Variants in ATP10B observed in about 807,000 individuals in gnomAD.
ATP10B encodes the protein phospholipid-transporting ATPase VB.
In ATP10B, 122 loss-of-function variants were observed where a neutral mutation model predicts 141.2. The ratio of observed to expected loss-of-function variants is 0.86; its 90% CI spans 0.75 to 1.00. ATP10B has a LOEUF of 1.00. Among genes scored for constraint, ATP10B ranks in the 50% least tolerant of loss-of-function variants. The pLI is 0.00. For missense variants in ATP10B, 1,876 were observed against 1,825.3 expected, an observed-to-expected ratio of 1.03 and a Z score of -0.51; for synonymous variants, 685 against 692.0, an observed-to-expected ratio of 0.99 and a Z score of 0.16.
rs569489601 is a variant in ATP10B, at chr5:160,785,702, C to G, written c.-474G>C. The G allele has an allele frequency of 4.3e-5, 55 of 1,285,206 alleles. No individual in the cohort carries two copies. Among genetic ancestry groups the G allele is most frequent in the Non-Finnish European group, 5.1e-5 (50 of 986,764 alleles). 79.6% of individuals were successfully genotyped at this position (1,285,206 alleles called of 1,614,324 possible). On this transcript the variant is annotated 5_prime_UTR_variant, in exon 2 of 26. Coordinates refer to ENST00000327245, the MANE Select transcript of ATP10B (RefSeq NM_025153.3). ...AGTGGAGAGGAGTTCATTATCTCCA[C>G]TGAGTGAGATGAATAATAGGAAAAA... is the stretch of plus-strand genomic sequence containing the variant.
the ATP10B span, among the ~76,000 whole-genome samples, chr5:160,887,129 T>A: frequency 6.6e-6 from 1 of 152,266 alleles, no homozygotes; most frequent in African/African-American, 2.4e-5. Flanking sequence ...ATGAGGCAAA[T>A]GGAAATACAG....
chr5:160,874,725 T>G, the ATP10B span, among the ~76,000 whole-genome samples: 2 of 151,918 alleles, frequency 1.3e-5, no homozygotes, highest in Non-Finnish European at 2.9e-5. Context: ...GCTCCAGAAC[T>G]ACGTGAAGAA....
intron 4 of ATP10B, 95 bp downstream of exon 4, chr5:160,688,665 G>A (rs1390070097): frequency 7.8e-6 from 5 of 645,094 alleles, no homozygotes; most frequent in African/African-American, 2.0e-5. Flanking sequence ...AAATATATTG[G>A]GACACATCTT....
chr5:160,772,792 T>A (rs1770004156), intron 2 of ATP10B, among the ~76,000 whole-genome samples: 1 of 152,138 alleles, frequency 6.6e-6, no homozygotes, highest in African/African-American at 2.4e-5. Flanking sequence ...AAAAAGCCAG[T>A]CTTCCCTGGG....
At chr5:160,652,452 T>TA (rs1464169412) in intron 7 of ATP10B, among the ~76,000 whole-genome samples, 1 of 143,502 alleles carries the variant, frequency 7.0e-6, no homozygotes, top group Non-Finnish European at 1.5e-5. Flanking sequence ...TTTATTTATT[T>TA]ATTTATTTAT....
the ATP10B span, among the ~76,000 whole-genome samples, chr5:160,862,508 C>T: frequency 6.6e-6 from 1 of 152,070 alleles, no homozygotes; most frequent in Non-Finnish European, 1.5e-5. Context: ...TAAACTGTGA[C>T]TGATACAGGG....
chr5:160,925,009 A>C, the ATP10B span, among the ~76,000 whole-genome samples: 1 of 152,220 alleles, frequency 6.6e-6, no homozygotes, highest in African/African-American at 2.4e-5. Flanking sequence ...CATTTGCAAC[A>C]AGACACTTCA....
intron 2 of ATP10B, among the ~76,000 whole-genome samples, chr5:160,726,953 G>T (rs919175681): frequency 9.9e-5 from 15 of 152,062 alleles, no homozygotes; most frequent in African/African-American, 3.4e-4. Flanking sequence ...GTGGGGTGGG[G>T]GACTTGCTTT....
intron 1 of ATP10B, among the ~76,000 whole-genome samples, chr5:160,825,246 CTG>C (rs1206704244): frequency 6.6e-6 from 1 of 152,176 alleles, no homozygotes; most frequent in African/African-American, 2.4e-5. Context: ...TATGGTTTGG[CTG>C]TGTGTCCACC....
intron 1 of ATP10B, among the ~76,000 whole-genome samples, chr5:160,816,977 A>G (rs1773683274): frequency 6.6e-6 from 1 of 152,216 alleles, no homozygotes; most frequent in Non-Finnish European, 1.5e-5. Flanking sequence ...AACTCTCAAT[A>G]AATTAGGTAT....
At chr5:160,915,331 ACT>A in the ATP10B span, among the ~76,000 whole-genome samples, 1 of 148,892 alleles carries the variant, frequency 6.7e-6, no homozygotes, top group African/African-American at 2.5e-5. Context: ...CCTGAAGCAC[ACT>A]GACTTTTTTT....
intron 7 of ATP10B, among the ~76,000 whole-genome samples, chr5:160,662,772 C>T (rs1324549698): frequency 1.3e-5 from 2 of 152,144 alleles, no homozygotes; most frequent in East Asian, 3.9e-4. Flanking sequence ...AAAGCAATGG[C>T]AACAAAAGCC....
At chr5:160,587,148 A>G (rs1245441871) in intron 24 of ATP10B, among the ~76,000 whole-genome samples, 1 of 152,004 alleles carries the variant, frequency 6.6e-6, no homozygotes, top group African/African-American at 2.4e-5. Context: ...ATTTTGTATA[A>G]GGTGTAAGGA....
chr5:160,763,706 G>A (rs1352137536), intron 2 of ATP10B, among the ~76,000 whole-genome samples: 6 of 151,982 alleles, frequency 3.9e-5, no homozygotes, highest in African/African-American at 2.4e-5. Context: ...AAATAGCAAA[G>A]ATCAGAGCAG....
chr5:160,645,032 G>T (rs554171783), intron 8 of ATP10B, among the ~76,000 whole-genome samples: 1 of 150,996 alleles, frequency 6.6e-6, no homozygotes, highest in African/African-American at 2.4e-5. Flanking sequence ...CAGGAGAATC[G>T]CTTGAACCCG....
At chr5:160,846,121 G>A (rs188665941) in intron 1 of ATP10B, among the ~76,000 whole-genome samples, 112 of 152,240 alleles carry the variant, frequency 7.4e-4, no homozygotes, top group Non-Finnish European at 4.3e-4. Flanking sequence ...AAAGGGTAGT[G>A]CATAAACTAG....
chr5:160,841,492 CAT>C (rs1275884578), intron 1 of ATP10B, among the ~76,000 whole-genome samples: 4 of 151,986 alleles, frequency 2.6e-5, no homozygotes, highest in Admixed American at 1.3e-4. Flanking sequence ...CTTTTCTGAG[CAT>C]ATGTTTTTGT....
At chr5:160,762,621 C>A (rs1432942330) in intron 2 of ATP10B, among the ~76,000 whole-genome samples, 1 of 151,826 alleles carries the variant, frequency 6.6e-6, no homozygotes, top group Non-Finnish European at 1.5e-5. Context: ...AAGCATAAGT[C>A]TCACAGGATT....
chr5:160,704,914 CT>C lies in ATP10B; in HGVS notation c.-205+11994del, dbSNP rs1170629163. Among the ~76,000 whole-genome samples, 56 of 83,634 alleles carry C rather than the reference CT, an allele frequency of 6.7e-4. 1 individual carries two copies. The highest frequency in any genetic ancestry group is 3.0e-3 in the Admixed American group (19 of 6,406). 54.9% of individuals were successfully genotyped at this position (83,634 alleles called of 152,430 possible). On this transcript the variant is annotated intron_variant, in intron 3 of 25. Transcript: ENST00000327245. ...TGCTAGCTTCCAACATTTCTTTCAT[CT>C]TTTTTTTTTTTTTTTTTTTTGTTGA... is the stretch of plus-strand genomic sequence containing the variant.
Sources: allele counts gnomAD v4.1 joint callset (sites outside exome capture counted in the v4.1 genomes callset), GRCh38; gene constraint gnomAD v4.1.1; transcripts MANE v1.5; gene names NCBI Gene and HGNC (gene_info 2026-07-23, HGNC 2026-07-21).